Variants in LATS1 observed in about 807,000 individuals in gnomAD.
LATS1 encodes the protein serine/threonine-protein kinase LATS1.
LATS1 carries 25 observed loss-of-function variants against 106.6 expected under a neutral mutation model. The ratio of observed to expected loss-of-function variants is 0.23; its 90% CI spans 0.17 to 0.33. The LOEUF (loss-of-function observed/expected upper bound fraction) is 0.33. Among genes scored for constraint, LATS1 ranks in the 10% least tolerant of loss-of-function variants. LATS1 has a pLI of 1.00. For missense variants in LATS1, 1,040 were observed against 1,382.6 expected, an observed-to-expected ratio of 0.75 and a Z score of 3.93; for synonymous variants, 465 against 455.6, an observed-to-expected ratio of 1.02 and a Z score of -0.26.
At chr6:149,684,943 T>C (rs971379329) in intron 3 of LATS1, among the ~76,000 whole-genome samples, 1 of 152,172 alleles carries the variant, frequency 6.6e-6, no homozygotes, top group Non-Finnish European at 1.5e-5. Flanking sequence ...TTTAGAATTT[T>C]ATTTATTTTT....
chr6:149,669,173 A>G (rs62439836), intron 7 of LATS1, among the ~76,000 whole-genome samples: 69,403 of 150,456 alleles, frequency 0.46, 17,367 homozygotes, highest in East Asian at 0.81. Flanking sequence ...TCTCTCTGTT[A>G]CCCAGGCTGG....
At chr6:149,669,769 G>A (rs1241714246) in intron 7 of LATS1, among the ~76,000 whole-genome samples, 1 of 151,714 alleles carries the variant, frequency 6.6e-6, no homozygotes, top group East Asian at 1.9e-4. Context: ...AAGGAAAAAA[G>A]AAGAAAAATC....
At chr6:149,676,112 A>G in intron 7 of LATS1, 148 bp downstream of exon 7, 1 of 607,082 alleles carries the variant, frequency 1.6e-6, no homozygotes, top group East Asian at 2.9e-5. Context: ...TCAGCCTCCC[A>G]AAGAACTGGC....
chr6:149,698,514 G>C (rs774040794), intron 2 of LATS1, among the ~76,000 whole-genome samples: 32 of 150,780 alleles, frequency 2.1e-4, no homozygotes, highest in Non-Finnish European at 4.4e-4. Context: ...CCAGAGCACT[G>C]GAATTACAAG....
At chr6:149,678,082 A>T (rs1384172074) in intron 5 of LATS1, among the ~76,000 whole-genome samples, 3 of 133,788 alleles carry the variant, frequency 2.2e-5, no homozygotes, top group Non-Finnish European at 4.6e-5. Flanking sequence ...CCACTTTGGG[A>T]GGCAGAGGCA....
rs1236987591 is a variant in LATS1, at chr6:149,662,070, C to T, written c.3052G>A (p.Asp1018Asn). 1 of 1,614,104 alleles carries T rather than the reference C, an allele frequency of 6.2e-7. No homozygotes were observed. The highest frequency in any genetic ancestry group is 1.7e-5 in the Admixed American group (1 of 60,010). Residue 1018 changes from aspartate to asparagine, a missense_variant, in exon 8 of 8, where the codon GAC (aspartate) becomes AAC (asparagine). By Grantham distance (23) the Asp-to-Asn change is conservative (BLOSUM62 1). Transcript: ENST00000543571. ...TATGAAGCAGACTGCTGTCTCAGGT[C>T]ACTGGAGAAGTCAATTGTTTTAAAA... ...PFFKTIDFSS[D>N]LRQQSASYIP...
At chr6:149,680,909 C>A (rs1295753551) in intron 4 of LATS1, among the ~76,000 whole-genome samples, 2 of 152,088 alleles carry the variant, frequency 1.3e-5, no homozygotes, top group African/African-American at 4.8e-5. Flanking sequence ...ACTCCAGGCT[C>A]ATTTATTCTA....
chr6:149,664,181 C>T (rs1447579471), intron 7 of LATS1, among the ~76,000 whole-genome samples: 1 of 145,542 alleles, frequency 6.9e-6, no homozygotes, highest in East Asian at 2.0e-4. Context: ...AAAAAGAGCA[C>T]AGCAAAAGAT....
In LATS1 at chr6:149,671,917, C is replaced by T. The variant is rs1169107121; in HGVS notation, c.2883+4343G>A. Reference sequence around the variant, plus strand: ...CTTTCTTTTTTTTTTGAGACAGAGTCTCACTCTGTTGCCCAGGCTGGAGTA... The same window carrying T: ...CTTTCTTTTTTTTTTGAGACAGAGTTTCACTCTGTTGCCCAGGCTGGAGTA... On this transcript the variant is annotated intron_variant, in intron 7 of 7. Coordinates refer to ENST00000543571, the MANE Select transcript of LATS1 (RefSeq NM_004690.4). Among the ~76,000 whole-genome samples the T allele has an allele frequency of 4.0e-5, 6 of 151,678 alleles. No homozygotes were observed. The East Asian group carries it at 1.2e-3, about 29-fold the overall frequency.
chr6:149,673,514 T>TC (rs1781553403), intron 7 of LATS1, among the ~76,000 whole-genome samples: 1 of 151,902 alleles, frequency 6.6e-6, no homozygotes, highest in Non-Finnish European at 1.5e-5. Flanking sequence ...ACAATTTTTT[T>TC]TCTCTCTCTC....
rs544767460 is a variant in LATS1 at position 149,659,648 on chromosome 6, T to A, written c.*2081A>T. The A allele has an allele frequency of 4.1e-4, 93 of 228,478 alleles. 1 individual carries two copies. The highest frequency in any genetic ancestry group is 2.0e-3 in the African/African-American group (90 of 45,140). The allele number at this position is 228,478 out of a possible 1,614,324, so 14.2% of individuals were successfully genotyped here. A position where few individuals can be genotyped will look rare whatever the true frequency, so the allele number is the denominator to read the frequency against. On this transcript the variant is annotated 3_prime_UTR_variant, in exon 8 of 8. Transcript: ENST00000543571. Reference sequence around the variant, plus strand: ...CAAAAGTAAAACAACTAAATGAAAATTTAAATAAATCAGACTGAAAAAGCC... The same window carrying A: ...CAAAAGTAAAACAACTAAATGAAAAATTAAATAAATCAGACTGAAAAAGCC...
At chr6:149,690,369 A>G (rs1436173276) in intron 3 of LATS1, among the ~76,000 whole-genome samples, 3 of 151,352 alleles carry the variant, frequency 2.0e-5, no homozygotes, top group Non-Finnish European at 4.4e-5. Context: ...ATGCACCACC[A>G]CGCCCAGCTA....
At chr6:149,693,045 A>C (rs1782860458) in intron 3 of LATS1, among the ~76,000 whole-genome samples, 1 of 151,796 alleles carries the variant, frequency 6.6e-6, no homozygotes. Context: ...CAGGCAGATA[A>C]CAAGGTCAGG....
At chr6:149,694,728 T>C (rs1782962648) in intron 3 of LATS1, among the ~76,000 whole-genome samples, 1 of 152,132 alleles carries the variant, frequency 6.6e-6, no homozygotes, top group Non-Finnish European at 1.5e-5. Flanking sequence ...TATTCTATGT[T>C]GATCATATTT....
At chr6:149,666,173 A>C (rs1384664360) in intron 7 of LATS1, among the ~76,000 whole-genome samples, 2 of 150,662 alleles carry the variant, frequency 1.3e-5, no homozygotes, top group East Asian at 3.9e-4. Context: ...CCAGAGTCTC[A>C]TAACATATTA....
chr6:149,683,605 T>G lies in LATS1; in HGVS notation c.1484A>C (p.Gln495Pro). Residue 495 changes from glutamine to proline, a missense_variant, in exon 4 of 8, where the codon CAA (glutamine) becomes CCA (proline). Physicochemically the swap from Gln to Pro is moderately conservative, Grantham distance 76 (BLOSUM62 -1). Around this residue, in one of 7 missense-constraint regions of LATS1, gnomAD observed 624 missense variants for 714.8 expected, o/e 0.87. Transcript: ENST00000543571. ...TVTAITPAPI[Q>P]QPVKSMRVLK... ...TACACGCATACTTTTCACAGGCTGT[T>G]GAATAGGAGCTGGTGTAATTGCAGT... 2 of 1,614,250 alleles carry G rather than the reference T, an allele frequency of 1.2e-6. No individual in the cohort carries two copies. The highest frequency in any genetic ancestry group is 1.7e-6 in the Non-Finnish European group (2 of 1,180,046).
intron 3 of LATS1, among the ~76,000 whole-genome samples, chr6:149,687,776 C>G (rs1171369899): frequency 3.3e-5 from 5 of 151,642 alleles, no homozygotes; most frequent in African/African-American, 4.8e-5. Flanking sequence ...CCTAATATAC[C>G]CAGGCTGGTC....
chr6:149,671,027 A>G (rs1184221144), intron 7 of LATS1, among the ~76,000 whole-genome samples: 3 of 151,944 alleles, frequency 2.0e-5, no homozygotes, highest in Admixed American at 1.3e-4. Context: ...GTTTTCTTCT[A>G]AAAGTACTAT....
chr6:149,659,480 A>G lies in LATS1; in HGVS notation c.*2249T>C. The G allele has an allele frequency of 4.4e-6, 1 of 226,008 alleles. No individual in the cohort carries two copies. Among genetic ancestry groups the G allele is most frequent in the African/African-American group, 2.2e-5 (1 of 44,812 alleles). 14.0% of individuals were successfully genotyped at this position (226,008 alleles called of 1,614,324 possible). ...TCTCAAAACAAAAAACAAAAAAAGAATACAAAATTTGTAGTGTCTGTTACA... is the reference window on the plus strand; with the variant it reads ...TCTCAAAACAAAAAACAAAAAAAGAGTACAAAATTTGTAGTGTCTGTTACA... On this transcript the variant is annotated 3_prime_UTR_variant, in exon 8 of 8. Transcript: ENST00000543571.
Sources: allele counts gnomAD v4.1 joint callset (sites outside exome capture counted in the v4.1 genomes callset), GRCh38; gene constraint gnomAD v4.1.1; regional missense constraint gnomAD v4.1.1; transcripts MANE v1.5; gene names NCBI Gene and HGNC (gene_info 2026-07-23, HGNC 2026-07-21).